THNSL1: variants seen among roughly 807,000 people sequenced by gnomAD.
The protein encoded by THNSL1 is threonine synthase-like 1.
A neutral mutation model predicts 50.4 loss-of-function variants in THNSL1; 48 were observed. The observed-to-expected ratio is 0.95, with a 90% CI of 0.76 to 1.21. The LOEUF (loss-of-function observed/expected upper bound fraction) is 1.21. THNSL1 is among the 50% of genes most tolerant of loss of function. The pLI, the probability that THNSL1 is intolerant of heterozygous loss-of-function variation, is 0.00. For missense variants in THNSL1, 896 were observed against 871.7 expected (o/e 1.03, Z -0.35); for synonymous variants, 309 against 306.1 (o/e 1.01, Z -0.10).
the THNSL1 span, among the ~76,000 whole-genome samples, chr10:24,972,376 C>T: frequency 5.6e-3 from 845 of 151,338 alleles, 13 homozygotes; most frequent in African/African-American, 0.019. Flanking sequence ...GGTGTGGTGG[C>T]GGGTGCCTGT....
chr10:24,971,146 C>T, the THNSL1 span, among the ~76,000 whole-genome samples: 3 of 151,916 alleles, frequency 2.0e-5, no homozygotes, highest in African/African-American at 4.8e-5. Flanking sequence ...GTCACCAAGG[C>T]TAAAGTGCAG....
the THNSL1 span, among the ~76,000 whole-genome samples, chr10:24,997,817 A>T: frequency 2.0e-5 from 3 of 151,342 alleles, no homozygotes; most frequent in African/African-American, 4.9e-5. Context: ...TTATATATAT[A>T]TATATATATG....
chr10:24,984,188 G>T, the THNSL1 span: 1 of 591,460 alleles, frequency 1.7e-6, no homozygotes, highest in Non-Finnish European at 2.8e-6. Context: ...ACAGTGTTAC[G>T]AATACTGAAA....
chr10:24,968,588 A>T, the THNSL1 span, among the ~76,000 whole-genome samples: 1 of 151,942 alleles, frequency 6.6e-6, no homozygotes, highest in Non-Finnish European at 1.5e-5. Context: ...CAGCCCCTAC[A>T]CTGCCTCTTC....
At chr10:24,989,480 G>A in the THNSL1 span, among the ~76,000 whole-genome samples, 1 of 152,134 alleles carries the variant, frequency 6.6e-6, no homozygotes, top group African/African-American at 2.4e-5. Flanking sequence ...TAGTGCCTTG[G>A]AACCTTATGA....
the THNSL1 span, among the ~76,000 whole-genome samples, chr10:25,000,137 C>T: frequency 6.6e-6 from 1 of 152,022 alleles, no homozygotes; most frequent in African/African-American, 2.4e-5. Flanking sequence ...TTGGGATTTT[C>T]CAGATATCTA....
chr10:25,020,097 A>G (rs1444946871), intron 1 of THNSL1, among the ~76,000 whole-genome samples: 1 of 152,146 alleles, frequency 6.6e-6, no homozygotes, highest in Non-Finnish European at 1.5e-5. Flanking sequence ...ATGTAGCTTA[A>G]AATAGAATAT....
chr10:24,984,328 A>C, the THNSL1 span: 1 of 1,588,924 alleles, frequency 6.3e-7, no homozygotes, highest in Non-Finnish European at 8.6e-7. Context: ...TACTATTTCC[A>C]GTTCAAAATA....
At chr10:24,979,280 G>A in the THNSL1 span, among the ~76,000 whole-genome samples, 1 of 152,194 alleles carries the variant, frequency 6.6e-6, no homozygotes, top group Non-Finnish European at 1.5e-5. Context: ...CAATGCTAAT[G>A]TTGTGGCTGG....
chr10:24,965,649 T>G, the THNSL1 span, among the ~76,000 whole-genome samples: 1 of 152,228 alleles, frequency 6.6e-6, no homozygotes. Context: ...TATGGATGGA[T>G]ACTCAGTCCT....
intron 1 of THNSL1, among the ~76,000 whole-genome samples, chr10:25,020,166 C>CT (rs1850687996): frequency 6.6e-6 from 1 of 151,768 alleles, no homozygotes; most frequent in Admixed American, 6.6e-5. Flanking sequence ...TTCTGCTAGT[C>CT]TAAGGAACAT....
At chr10:24,964,425 A>G in the THNSL1 span, among the ~76,000 whole-genome samples, 1 of 152,256 alleles carries the variant, frequency 6.6e-6, no homozygotes, top group Non-Finnish European at 1.5e-5. Context: ...GGAATAAAAA[A>G]CATAAACACA....
At position 25,025,068 on chromosome 10, in the gene THNSL1, A is replaced by G; in HGVS notation, c.1845A>G (p.Val615=). 1 of 1,614,220 alleles carries G rather than the reference A, an allele frequency of 6.2e-7. No individual in the cohort carries two copies. Among genetic ancestry groups the G allele is most frequent in the Non-Finnish European group, 8.5e-7 (1 of 1,180,040 alleles). Residue 615 remains valine (V), a synonymous_variant, in exon 3 of 3, where the codon GTA becomes GTG. Coordinates refer to ENST00000376356, the MANE Select transcript of THNSL1 (RefSeq NM_024838.5). ...ALVEKLQQDF[V]ADWCSEGECL... ...TTGAGAAACTTCAGCAGGATTTTGT[A>G]GCTGACTGGTGCTCTGAGGGAGAGT...
At chr10:24,960,558 C>T in the THNSL1 span, among the ~76,000 whole-genome samples, 3 of 151,990 alleles carry the variant, frequency 2.0e-5, no homozygotes, top group South Asian at 6.3e-4. Context: ...ACCCGAGAAG[C>T]TGGGATTACA....
the THNSL1 span, among the ~76,000 whole-genome samples, chr10:25,009,178 C>T: frequency 6.6e-6 from 1 of 152,032 alleles, no homozygotes; most frequent in African/African-American, 2.4e-5. Context: ...ATGGGTGCAA[C>T]ACACCAACAT....
the THNSL1 span, among the ~76,000 whole-genome samples, chr10:25,010,864 T>C: frequency 6.6e-6 from 1 of 151,722 alleles, no homozygotes; most frequent in Admixed American, 6.6e-5. Flanking sequence ...TTTGGGTTGG[T>C]TCCAAGTCTT....
chr10:24,954,433 C>T, the THNSL1 span, among the ~76,000 whole-genome samples: 1 of 152,050 alleles, frequency 6.6e-6, no homozygotes, highest in Non-Finnish European at 1.5e-5. Context: ...TGGGGGGTAC[C>T]AGGAACTTCA....
At chr10:24,984,394 A>AAAAG in the THNSL1 span, 1 of 1,599,312 alleles carries the variant, frequency 6.3e-7, no homozygotes, top group Non-Finnish European at 8.5e-7. Flanking sequence ...AAAAAAAAAA[A>AAAAG]AAAAGTGAAG....
At chr10:25,001,836 T>C in the THNSL1 span, among the ~76,000 whole-genome samples, 1 of 152,206 alleles carries the variant, frequency 6.6e-6, no homozygotes, top group Non-Finnish European at 1.5e-5. Context: ...ATCTGTGTCA[T>C]TTCTGTGTCT....
Sources: gnomAD v4.1 joint callset for allele counts (sites outside exome capture counted in the v4.1 genomes callset) on GRCh38, gnomAD v4.1.1 for gene constraint, MANE v1.5 for transcripts, NCBI Gene and HGNC (gene_info 2026-07-23, HGNC 2026-07-21) for gene names.